The following SLC16A12 variants were observed in gnomAD, a reference collection of about 807,000 sequenced individuals.
SLC16A12 encodes the protein monocarboxylate transporter 12.
In SLC16A12, 17 loss-of-function variants were observed where a neutral mutation model predicts 42.4. The observed-to-expected ratio is 0.40, with a 90% CI of 0.27 to 0.60. SLC16A12 has a LOEUF of 0.60. Ranked by LOEUF, SLC16A12 falls within the 20% of genes least tolerant of loss-of-function variation. The pLI is 0.42. For synonymous variants in SLC16A12, 224 were observed against 229.4 expected (o/e 0.98, Z 0.21); for missense variants, 544 against 623.0 (o/e 0.87, Z 1.35).
At chr10:89,450,581 G>A (rs900957447) in intron 3 of SLC16A12, among the ~76,000 whole-genome samples, 8 of 152,188 alleles carry the variant, frequency 5.3e-5, no homozygotes, top group Non-Finnish European at 1.0e-4. Context: ...CACAGGGCAG[G>A]GAACGGCACA....
rs188613370 is a variant in SLC16A12, at chr10:89,493,345, C to T, written c.-46-30721G>A. 2.4e-3 allele frequency among the ~76,000 whole-genome samples: 369 copies of T among 152,106 alleles called. 4 individuals are homozygous for T. The highest frequency in any genetic ancestry group is 3.1e-3 in the Non-Finnish European group (209 of 67,988). On this transcript the variant is annotated intron_variant, in intron 2 of 7. Transcript: ENST00000371790. ...GTTAGCGATTCTCATGCCTCTGCCT[C>T]CCAAGTAGCTGGGATTACAGGCATG... is the stretch of plus-strand genomic sequence containing the variant.
intron 2 of SLC16A12, among the ~76,000 whole-genome samples, chr10:89,473,640 G>A (rs993677569): frequency 6.6e-6 from 1 of 151,994 alleles, no homozygotes; most frequent in Admixed American, 6.5e-5. Flanking sequence ...ATTGTTTTAC[G>A]AGTAAGTTTC....
intron 2 of SLC16A12, among the ~76,000 whole-genome samples, chr10:89,471,951 T>C (rs1842501519): frequency 6.6e-6 from 1 of 152,204 alleles, no homozygotes; most frequent in Non-Finnish European, 1.5e-5. Flanking sequence ...TCAAGTATTA[T>C]GCCTATATTT....
chr10:89,548,061 G>C (rs879840887), intron 2 of SLC16A12, among the ~76,000 whole-genome samples: 1 of 151,650 alleles, frequency 6.6e-6, no homozygotes, highest in African/African-American at 2.4e-5. Context: ...CCTTCTTGGA[G>C]AATTTCAAAA....
Position 89,443,019 on chromosome 10 carries a change from C to T in SLC16A12, c.304+737G>A, listed in dbSNP as rs147830577. Reference sequence around the variant, plus strand: ...ACTCTCTAAGACATCAATTTAATAACGTGAGTTTGAAATTTATTTTAAACA... The same window carrying T: ...ACTCTCTAAGACATCAATTTAATAATGTGAGTTTGAAATTTATTTTAAACA... On this transcript the variant is annotated intron_variant, in intron 4 of 7. Transcript: ENST00000371790. 3.1e-3 allele frequency among the ~76,000 whole-genome samples: 476 copies of T among 152,256 alleles called. 3 individuals carry two copies. The highest frequency in any genetic ancestry group is 0.011 in the African/African-American group (445 of 41,562).
At chr10:89,435,998 G>A in intron 7 of SLC16A12, 62 bp downstream of exon 7, 1 of 1,605,808 alleles carries the variant, frequency 6.2e-7, no homozygotes, top group Non-Finnish European at 8.5e-7. Flanking sequence ...ATGTGGGTTT[G>A]CTGTTTTCAC....
chr10:89,432,966 G>A lies in SLC16A12; in HGVS notation c.*98C>T. ...AACAATAATAATAATTTCCTTGGAA[G>A]GCAATCCTTCTGCCAAAATAAAAAG... On this transcript the variant is annotated 3_prime_UTR_variant, in exon 8 of 8. Transcript: ENST00000371790. 6.8e-7 allele frequency: 1 copy of A among 1,476,326 alleles called. No individual in the cohort carries two copies. The highest frequency in any genetic ancestry group is 1.2e-5 in the South Asian group (1 of 80,294). The allele number at this position is 1,476,326 out of a possible 1,614,324, so 91.5% of individuals were successfully genotyped here.
At chr10:89,452,337 T>C (rs1272690353) in intron 3 of SLC16A12, among the ~76,000 whole-genome samples, 1 of 152,192 alleles carries the variant, frequency 6.6e-6, no homozygotes. Flanking sequence ...AAATAAGAGT[T>C]GCTTGACTTC....
intron 3 of SLC16A12, among the ~76,000 whole-genome samples, chr10:89,460,986 T>C (rs113675942): frequency 0.013 from 1,955 of 152,280 alleles, 36 homozygotes; most frequent in African/African-American, 0.044. Flanking sequence ...GTATCTTTGT[T>C]ATGGGAGGGA....
chr10:89,435,819 G>T lies in SLC16A12; in HGVS notation c.1288+241C>A, dbSNP rs117665936. 0.01 allele frequency among the ~76,000 whole-genome samples: 1,567 copies of T among 152,176 alleles called. 11 individuals carry two copies. Among genetic ancestry groups the T allele is most frequent in the Middle Eastern group, 0.02 (6 of 294 alleles). ...CATCATTAATATGGAAAGGAATCAA[G>T]ACCCTAATTTGGGACTTACTCTTTC... On this transcript the variant is annotated intron_variant, in intron 7 of 7. Coordinates refer to ENST00000371790, the MANE Select transcript of SLC16A12 (RefSeq NM_213606.4).
intron 2 of SLC16A12, among the ~76,000 whole-genome samples, chr10:89,465,695 G>A (rs1842382701): frequency 1.3e-5 from 2 of 152,240 alleles, no homozygotes; most frequent in Admixed American, 6.5e-5. Context: ...CTGGTAGTCC[G>A]TCCCTTCCTC....
At chr10:89,542,306 C>CCT in intron 2 of SLC16A12, among the ~76,000 whole-genome samples, 1 of 137,042 alleles carries the variant, frequency 7.3e-6, no homozygotes, top group South Asian at 2.3e-4. Context: ...CTTTTTTTTT[C>CCT]TTTTTTTTTT....
At chr10:89,527,598 C>A (rs1300965514) in intron 2 of SLC16A12, among the ~76,000 whole-genome samples, 1 of 151,640 alleles carries the variant, frequency 6.6e-6, no homozygotes, top group African/African-American at 2.4e-5. Flanking sequence ...GAGTTTAAGT[C>A]CAGCCTGGAA....
chr10:89,491,402 A>G (rs567151645), intron 2 of SLC16A12, among the ~76,000 whole-genome samples: 65 of 152,356 alleles, frequency 4.3e-4, no homozygotes, highest in African/African-American at 1.5e-3. Context: ...AAAACAAAAC[A>G]AAACATAAAA....
chr10:89,503,469 C>T (rs550311150), intron 2 of SLC16A12, among the ~76,000 whole-genome samples: 1 of 152,298 alleles, frequency 6.6e-6, no homozygotes, highest in East Asian at 1.9e-4. Context: ...CTGCCTTTTC[C>T]ATGCAGATGT....
intron 3 of SLC16A12, among the ~76,000 whole-genome samples, chr10:89,448,181 C>A (rs766521250): frequency 2.0e-5 from 3 of 152,098 alleles, no homozygotes; most frequent in Non-Finnish European, 4.4e-5. Context: ...ATCAGAGGTG[C>A]GAAGAGGAGC....
chr10:89,433,443 CTTTG>C, intron 7 of SLC16A12, 117 bp from the exon 8 acceptor site: 1 of 1,087,196 alleles, frequency 9.2e-7, no homozygotes, highest in African/African-American at 1.6e-5. Flanking sequence ...CCAATTGTAA[CTTTG>C]AAACAAAAAG....
chr10:89,554,033 G>GAAGAAAGA lies in SLC16A12; in HGVS notation c.-47+1841_-47+1848dup, dbSNP rs1295802200. On this transcript the variant is annotated intron_variant, in intron 2 of 2. Transcript: ENST00000475682. ...GAAAGAGAGAAAGAAAGAGAGAAAG[G>GAAGAAAGA]AAGAAAGAAAGAAAGAAAGAAAGAA... is the stretch of plus-strand genomic sequence containing the variant. Among the ~76,000 whole-genome samples, 49 of 67,606 alleles carry GAAGAAAGA rather than the reference G, an allele frequency of 7.2e-4. 1 individual carries two copies. The highest frequency in any genetic ancestry group is 1.2e-3 in the African/African-American group (18 of 15,098). 44.4% of individuals were successfully genotyped at this position (67,606 alleles called of 152,430 possible).
At chr10:89,472,535 C>T (rs1223945060) in intron 2 of SLC16A12, among the ~76,000 whole-genome samples, 1 of 140,024 alleles carries the variant, frequency 7.1e-6, no homozygotes, top group Non-Finnish European at 1.5e-5. Flanking sequence ...CTGTGTTGCC[C>T]AGGCTGGAGT....
Sources: allele counts gnomAD v4.1 joint callset (sites outside exome capture counted in the v4.1 genomes callset), GRCh38; gene constraint gnomAD v4.1.1; transcripts MANE v1.5; gene names NCBI Gene and HGNC (gene_info 2026-07-23, HGNC 2026-07-21).